Variants in OTC observed in about 807,000 individuals in gnomAD.
OTC encodes ornithine transcarbamylase.
Under a neutral mutation model 30.3 loss-of-function variants are expected in OTC, and 3 were observed. The observed-to-expected ratio is 0.10, with a 90% confidence interval of 0.05 to 0.26. The LOEUF is 0.26. Among genes scored for constraint, OTC ranks in the 10% least tolerant of loss-of-function variants. The pLI, the probability that OTC is intolerant of heterozygous loss-of-function variation, is 1.00. For synonymous variants in OTC, 111 were observed against 99.7 expected (o/e 1.11, Z -0.67); for missense variants, 194 against 260.3 (o/e 0.75, Z 1.75).
the OTC span, among the ~76,000 whole-genome samples, chrX:38,338,823 C>A: frequency 8.9e-6 from 1 of 112,129 alleles, no homozygotes; most frequent in Non-Finnish European, 1.9e-5. Flanking sequence ...TCCACAACCA[C>A]TGCTGGACCT....
chrX:38,350,151 T>C (rs1438016455), upstream of OTC, among the ~76,000 whole-genome samples: 1 of 111,531 alleles, frequency 9.0e-6, no homozygotes, highest in Admixed American at 9.5e-5. Context: ...GGAGGTCTCC[T>C]GTGGCTTGAA....
intron 3 of OTC, among the ~76,000 whole-genome samples, chrX:38,374,977 TA>T (rs1484947346): frequency 8.9e-6 from 1 of 112,477 alleles, no homozygotes; most frequent in Non-Finnish European, 1.9e-5. Context: ...TTCTTTCTGT[TA>T]GCAAAATGAG....
chrX:38,368,049 T>C (rs1312071706), intron 2 of OTC, among the ~76,000 whole-genome samples: 1 of 111,181 alleles, frequency 9.0e-6, no homozygotes, highest in African/African-American at 3.3e-5. Context: ...TTTTCTTTTC[T>C]CTGTGTATTT....
intron 1 of OTC, among the ~76,000 whole-genome samples, chrX:38,357,830 T>C (rs778735629): frequency 8.9e-6 from 1 of 112,571 alleles, no homozygotes; most frequent in South Asian, 3.6e-4. Flanking sequence ...TCTGTAATTA[T>C]TTTTTCAAGG....
chrX:38,374,480 G>A (rs961071236), intron 3 of OTC, among the ~76,000 whole-genome samples: 1 of 110,842 alleles, frequency 9.0e-6, no homozygotes, highest in African/African-American at 3.3e-5. Context: ...AATTGCAAAG[G>A]CAATTTCTTC....
intron 1 of OTC, among the ~76,000 whole-genome samples, chrX:38,355,000 A>C (rs2068233199): frequency 9.0e-6 from 1 of 111,104 alleles, no homozygotes; most frequent in Non-Finnish European, 1.9e-5. Context: ...TTTCTCCCAC[A>C]TCTCTTGGGA....
At chrX:38,362,145 G>T (rs2068275029) in intron 1 of OTC, among the ~76,000 whole-genome samples, 1 of 111,742 alleles carries the variant, frequency 8.9e-6, no homozygotes, top group Non-Finnish European at 1.9e-5. Context: ...TGGGGGAAAA[G>T]GGGAGTTTTT....
At chrX:38,408,545 T>C (rs1261385210) in intron 6 of OTC, among the ~76,000 whole-genome samples, 197 bp from the exon 7 acceptor site, 1 of 111,571 alleles carries the variant, frequency 9.0e-6, no homozygotes, top group Non-Finnish European at 1.9e-5. Context: ...GCTGGGGCAA[T>C]TGGTTGTCTC....
chrX:38,387,391 A>C (rs1026493711), intron 4 of OTC, among the ~76,000 whole-genome samples: 6 of 112,556 alleles, frequency 5.3e-5, no homozygotes, highest in African/African-American at 1.9e-4. Context: ...ATCCCAAAGA[A>C]GATCTGACAA....
chrX:38,396,472 T>C (rs183268007), intron 4 of OTC, among the ~76,000 whole-genome samples: 1 of 111,625 alleles, frequency 9.0e-6, no homozygotes, highest in African/African-American at 3.2e-5. Flanking sequence ...GAAAAGTGAA[T>C]CTTAAAATTT....
At chrX:38,400,721 A>G (rs2068481264) in intron 4 of OTC, among the ~76,000 whole-genome samples, 1 of 112,314 alleles carries the variant, frequency 8.9e-6, no homozygotes, top group Non-Finnish European at 1.9e-5. Flanking sequence ...AGGTTGGAAC[A>G]GCCTGGGGAG....
intron 4 of OTC, among the ~76,000 whole-genome samples, chrX:38,400,322 T>C (rs1266430037): frequency 9.0e-6 from 1 of 111,197 alleles, no homozygotes; most frequent in Non-Finnish European, 1.9e-5. Flanking sequence ...AGGAATATAG[T>C]TTTTAATCTT....
At chrX:38,408,834 T>C in intron 7 of OTC, 39 bp downstream of exon 7, 1 of 1,208,638 alleles carries the variant, frequency 8.3e-7, no homozygotes, top group Non-Finnish European at 1.1e-6. Flanking sequence ...TGCCTTTTAC[T>C]GTCCCATGAA....
the OTC span, among the ~76,000 whole-genome samples, chrX:38,338,875 G>A: frequency 2.7e-5 from 3 of 111,931 alleles, no homozygotes; most frequent in East Asian, 8.5e-4. Flanking sequence ...GACACAGTCA[G>A]CATTATTGGT....
intron 2 of OTC, among the ~76,000 whole-genome samples, chrX:38,369,099 C>A (rs1001640772): frequency 8.1e-5 from 9 of 111,019 alleles, no homozygotes; most frequent in African/African-American, 3.0e-4. Flanking sequence ...CATGTTGTAA[C>A]AGAGTAGCAT....
intron 1 of OTC, among the ~76,000 whole-genome samples, chrX:38,364,956 C>T (rs1433291172): frequency 8.9e-6 from 1 of 112,329 alleles, no homozygotes; most frequent in Non-Finnish European, 1.9e-5. Context: ...ATGAACCAAT[C>T]AACTCTGCAA....
chrX:38,356,186 G>A (rs2068240567), intron 1 of OTC, among the ~76,000 whole-genome samples: 1 of 104,133 alleles, frequency 9.6e-6, no homozygotes, highest in South Asian at 4.5e-4. Flanking sequence ...TTTAGTAATT[G>A]AGTAACGTAA....
chrX:38,386,384 A>ATAT (rs765860392), intron 4 of OTC, among the ~76,000 whole-genome samples: 10,512 of 82,849 alleles, frequency 0.13, 718 homozygotes, highest in Middle Eastern at 0.19. Context: ...AAAAAAAAAA[A>ATAT]AAATATATAT....
intron 4 of OTC, among the ~76,000 whole-genome samples, chrX:38,386,930 T>C (rs943429083): frequency 5.3e-5 from 6 of 112,446 alleles, no homozygotes; most frequent in Non-Finnish European, 1.1e-4. Context: ...TGTGGAAGAA[T>C]TCCAATTTTC....
Sources: gnomAD v4.1 joint callset for allele counts (sites outside exome capture counted in the v4.1 genomes callset) on GRCh38, gnomAD v4.1.1 for gene constraint, MANE v1.5 for transcripts, NCBI Gene and HGNC (gene_info 2026-07-23, HGNC 2026-07-21) for gene names.